The following SORCS2 variants were observed in gnomAD, a reference collection of about 807,000 sequenced individuals.
SORCS2 encodes the protein sortilin related VPS10 domain containing receptor 2.
A neutral mutation model predicts 141.6 loss-of-function variants in SORCS2; 100 were observed. The observed-to-expected ratio is 0.71, with a 90% confidence interval of 0.60 to 0.83. The LOEUF is 0.83. Ranked by LOEUF, SORCS2 falls within the 40% of genes least tolerant of loss-of-function variation. The pLI is 0.00. For missense variants in SORCS2, 1,646 were observed against 1,560.2 expected (o/e 1.05, Z -0.93); for synonymous variants, 789 against 676.9 (o/e 1.17, Z -2.57).
intron 2 of SORCS2, among the ~76,000 whole-genome samples, chr4:7,396,816 G>A (rs907991029): frequency 1.3e-5 from 2 of 152,200 alleles, no homozygotes; most frequent in Admixed American, 6.5e-5. Context: ...AGCCACTGGC[G>A]ATGGGGGATA....
chr4:7,327,138 C>T (rs147016423), intron 1 of SORCS2, among the ~76,000 whole-genome samples: 4 of 152,330 alleles, frequency 2.6e-5, no homozygotes, highest in East Asian at 3.9e-4. Context: ...CTGCAGCTGC[C>T]GCCGCAACGT....
At chr4:7,389,036 G>A (rs1419284062) in intron 1 of SORCS2, among the ~76,000 whole-genome samples, 1 of 152,262 alleles carries the variant, frequency 6.6e-6, no homozygotes, top group East Asian at 1.9e-4. Flanking sequence ...TAACTTGGCG[G>A]TTCTGCCCGT....
chr4:7,729,876 C>T lies in SORCS2; in HGVS notation c.3108+164C>T, dbSNP rs138497910. On this transcript the variant is annotated intron_variant, in intron 23 of 26. Coordinates refer to ENST00000507866, the MANE Select transcript of SORCS2 (RefSeq NM_020777.3). Reference sequence around the variant, plus strand: ...GCTTGACCTCGTCCACCTGTGGCTACGCCCTCTGGAAGTCACACAGCCTCT... The same window carrying T: ...GCTTGACCTCGTCCACCTGTGGCTATGCCCTCTGGAAGTCACACAGCCTCT... 5.0e-4 allele frequency among the ~76,000 whole-genome samples: 76 copies of T among 152,290 alleles called. 1 individual carries two copies. In the East Asian group the frequency reaches 0.014, roughly 27 times the overall value.
At chr4:7,430,508 G>A (rs1726766410) in intron 2 of SORCS2, 1 of 152,260 alleles carries the variant, frequency 6.6e-6, no homozygotes, top group Admixed American at 6.5e-5. Context: ...GGTGTTCTGG[G>A]ACGTCCCAGG....
intron 2 of SORCS2, chr4:7,434,579 G>T (rs781653905): frequency 3.1e-6 from 5 of 1,613,504 alleles, no homozygotes; most frequent in Non-Finnish European, 3.4e-6. Flanking sequence ...GAAGACTCCT[G>T]GCTGGGGAGC....
At chr4:7,540,901 C>G (rs1045277999) in intron 3 of SORCS2, among the ~76,000 whole-genome samples, 1 of 152,230 alleles carries the variant, frequency 6.6e-6, no homozygotes, top group Non-Finnish European at 1.5e-5. Flanking sequence ...CAATCAGTGT[C>G]GTAAAGTGGC....
intron 1 of SORCS2, among the ~76,000 whole-genome samples, chr4:7,361,651 A>G (rs1476725996): frequency 6.6e-6 from 1 of 152,130 alleles, no homozygotes; most frequent in Non-Finnish European, 1.5e-5. Context: ...CCAACAGTCC[A>G]GCAGGAGACA....
chr4:7,375,737 A>C (rs1477149184), intron 1 of SORCS2, among the ~76,000 whole-genome samples: 1 of 152,238 alleles, frequency 6.6e-6, no homozygotes, highest in Non-Finnish European at 1.5e-5. Context: ...TCCACCCCAA[A>C]GCCTATTAGA....
At chr4:7,643,859 C>T (rs1278895709) in intron 4 of SORCS2, among the ~76,000 whole-genome samples, 1 of 152,130 alleles carries the variant, frequency 6.6e-6, no homozygotes, top group Non-Finnish European at 1.5e-5. Context: ...AGCAGAGCTA[C>T]AAGCTTCGAT....
chr4:7,628,118 T>A (rs1359462562), intron 3 of SORCS2, among the ~76,000 whole-genome samples: 1 of 152,198 alleles, frequency 6.6e-6, no homozygotes, highest in Non-Finnish European at 1.5e-5. Context: ...CGGGGGTGTG[T>A]GGTCTCTGGG....
chr4:7,328,325 C>T (rs562174088), intron 1 of SORCS2, among the ~76,000 whole-genome samples: 127 of 151,774 alleles, frequency 8.4e-4, no homozygotes, highest in African/African-American at 3.0e-3. Flanking sequence ...CATGAGCCAC[C>T]GCACCCGGCC....
At chr4:7,263,965 G>C (rs890271014) in intron 1 of SORCS2, among the ~76,000 whole-genome samples, 1 of 152,148 alleles carries the variant, frequency 6.6e-6, no homozygotes, top group African/African-American at 2.4e-5. Flanking sequence ...TTCACTCACT[G>C]ACTCATTCAT....
intron 8 of SORCS2, among the ~76,000 whole-genome samples, chr4:7,673,077 T>C (rs1171684645): frequency 6.6e-6 from 1 of 152,254 alleles, no homozygotes; most frequent in African/African-American, 2.4e-5. Context: ...TCTCTGCTTC[T>C]ACCTTTTCTC....
At chr4:7,407,464 T>A (rs1725038217) in intron 2 of SORCS2, among the ~76,000 whole-genome samples, 2 of 152,274 alleles carry the variant, frequency 1.3e-5, no homozygotes, top group African/African-American at 4.8e-5. Flanking sequence ...AGGCTTTGAT[T>A]TGCAGCCTAT....
intron 3 of SORCS2, among the ~76,000 whole-genome samples, chr4:7,636,271 C>T (rs1030284246): frequency 7.9e-5 from 12 of 152,198 alleles, no homozygotes; most frequent in Non-Finnish European, 1.6e-4. Flanking sequence ...AGGATGAGAA[C>T]CACGTCCGGT....
intron 2 of SORCS2, among the ~76,000 whole-genome samples, chr4:7,397,882 C>T (rs1422618793): frequency 6.6e-6 from 1 of 152,172 alleles, no homozygotes; most frequent in Admixed American, 6.5e-5. Context: ...CAAAGGCCCT[C>T]AGTTAGCTGA....
At chr4:7,391,965 G>A (rs919845591) in intron 1 of SORCS2, among the ~76,000 whole-genome samples, 2 of 152,234 alleles carry the variant, frequency 1.3e-5, no homozygotes, top group African/African-American at 4.8e-5. Flanking sequence ...GAAGCTAGAG[G>A]AGTGGCAGCT....
At chr4:7,699,730 G>A (rs1002700461) in intron 12 of SORCS2, among the ~76,000 whole-genome samples, 1 of 152,168 alleles carries the variant, frequency 6.6e-6, no homozygotes, top group Admixed American at 6.5e-5. Flanking sequence ...AGCCTCACAG[G>A]ACCCAGCGTG....
In SORCS2 at chr4:7,572,966, GC is replaced by G. The variant is rs572991638; in HGVS notation, c.648+41341del. Among the ~76,000 whole-genome samples the G allele has an allele frequency of 2.0e-3, 300 of 152,278 alleles. 1 individual carries two copies. The highest frequency in any genetic ancestry group is 3.4e-3 in the Middle Eastern group (1 of 294). ...ATTTCCAAACATCCATTTCTAAAGT[GC>G]CCCGTCATAGTCTAAATCCCTTTGG... On this transcript the variant is annotated intron_variant, in intron 3 of 26. Transcript: ENST00000507866.
Sources: allele counts gnomAD v4.1 joint callset (sites outside exome capture counted in the v4.1 genomes callset), GRCh38; gene constraint gnomAD v4.1.1; transcripts MANE v1.5; gene names NCBI Gene and HGNC (gene_info 2026-07-23, HGNC 2026-07-21).